Variants in ZNF821 observed in about 807,000 individuals in gnomAD.
ZNF821 encodes the protein zinc finger protein 821.
In ZNF821, 16 loss-of-function variants were observed where a neutral mutation model predicts 44.3. The ratio of observed to expected loss-of-function variants is 0.36; its 90% confidence interval spans 0.24 to 0.55. The LOEUF (loss-of-function observed/expected upper bound fraction) is 0.55. ZNF821 is among the 20% of genes least tolerant of loss of function. The probability of loss-of-function intolerance (pLI) is 0.86; values close to 1 mark genes in which losing one functional copy is unlikely to be tolerated. For missense variants in ZNF821, 436 were observed against 547.6 expected, an observed-to-expected ratio of 0.80 and a Z score of 2.03; for synonymous variants, 204 against 197.6, an observed-to-expected ratio of 1.03 and a Z score of -0.27.
rs144755812 is a variant in ZNF821 at position 71,894,450 on chromosome 16, T to C, written n.448+439A>G. 4.7e-3 allele frequency: 796 copies of C among 170,962 alleles called. 4 individuals carry two copies. The highest frequency in any genetic ancestry group is 0.018 in the African/African-American group (760 of 41,850). 10.6% of individuals were successfully genotyped at this position (170,962 alleles called of 1,614,324 possible). A position where few individuals can be genotyped will look rare whatever the true frequency, so the allele number is the denominator to read the frequency against. Reference sequence around the variant, plus strand: ...TAGTAGAGACGGGGTTCCTCTGTGTTGGCCAGGCTGGTCTCGAATTACCGA... The same window carrying C: ...TAGTAGAGACGGGGTTCCTCTGTGTCGGCCAGGCTGGTCTCGAATTACCGA... On this transcript the variant is annotated intron_variant and non_coding_transcript_variant, in intron 1 of 2. Coordinates refer to the ZNF821 transcript ENST00000561700.
chr16:71,884,264 C>T (rs1216889703), upstream of ZNF821: 1 of 151,952 alleles, frequency 6.6e-6, no homozygotes, highest in Admixed American at 6.6e-5. Flanking sequence ...CGGCCCGGCG[C>T]GCGCCTGGCG....
chr16:71,878,523 G>C (rs1355067683), intron 3 of ZNF821, among the ~76,000 whole-genome samples: 1 of 151,780 alleles, frequency 6.6e-6, no homozygotes, highest in Non-Finnish European at 1.5e-5. Context: ...GTCAATTTAA[G>C]AAGGCACTTT....
At chr16:71,894,558 T>C (rs750450539) in intron 1 of ZNF821, 85 of 307,776 alleles carry the variant, frequency 2.8e-4, no homozygotes, top group Non-Finnish European at 1.6e-4. Context: ...TTTTCTTTTT[T>C]TCTGTAGCCT....
At chr16:71,865,651 C>T (rs908816219) in intron 4 of ZNF821, among the ~76,000 whole-genome samples, 1 of 152,204 alleles carries the variant, frequency 6.6e-6, no homozygotes, top group Non-Finnish European at 1.5e-5. Flanking sequence ...ATTAGCACAG[C>T]AACCAACCTC....
chr16:71,880,716 A>G (rs746091435), intron 2 of ZNF821, among the ~76,000 whole-genome samples: 2 of 152,188 alleles, frequency 1.3e-5, no homozygotes, highest in Non-Finnish European at 2.9e-5. Context: ...TACTAATTCA[A>G]CACCCCAGTG....
intron 3 of ZNF821, among the ~76,000 whole-genome samples, chr16:71,877,048 C>T (rs537191922): frequency 1.3e-5 from 2 of 152,302 alleles, no homozygotes; most frequent in South Asian, 2.1e-4. Flanking sequence ...CCAGAATATA[C>T]TCCTAGAAGC....
rs924235563 is a variant in ZNF821 at position 71,859,929 on chromosome 16, C to T, written c.*89G>A. The stretch of plus-strand genomic sequence containing the variant: ...GCCTCTGGCAGCAAGGACAGGGCCT[C>T]GTGGGTGGCAGCAGCACTGGTCCTC... On this transcript the variant is annotated 3_prime_UTR_variant, in exon 8 of 8. Coordinates refer to ENST00000425432, the MANE Select transcript of ZNF821 (RefSeq NM_001201552.2). The T allele has an allele frequency of 6.6e-6, 9 of 1,366,846 alleles. No homozygotes were observed. The highest frequency in any genetic ancestry group is 3.2e-5 in the African/African-American group (2 of 62,438). The allele number at this position is 1,366,846 out of a possible 1,614,324, so 84.7% of individuals were successfully genotyped here. A position where few individuals can be genotyped will look rare whatever the true frequency, so the allele number is the denominator to read the frequency against.
chr16:71,885,534 C>T (rs1427832298), upstream of ZNF821, among the ~76,000 whole-genome samples: 1 of 152,212 alleles, frequency 6.6e-6, no homozygotes, highest in African/African-American at 2.4e-5. Flanking sequence ...TTACTGGCTG[C>T]ACAAAGGCAG....
intron 1 of ZNF821, among the ~76,000 whole-genome samples, chr16:71,893,272 C>A (rs546220712): frequency 5.3e-5 from 8 of 151,900 alleles, no homozygotes; most frequent in Non-Finnish European, 1.0e-4. Context: ...CGTGATCCTC[C>A]CGCCTCGGCC....
intron 2 of ZNF821, among the ~76,000 whole-genome samples, chr16:71,882,825 T>C (rs895562740): frequency 2.0e-5 from 3 of 152,190 alleles, no homozygotes; most frequent in East Asian, 1.9e-4. Flanking sequence ...ACTTGTTTTA[T>C]AGGCAGTTAA....
At chr16:71,892,178 C>CAG (rs2036889918) in intron 1 of ZNF821, among the ~76,000 whole-genome samples, 1 of 31,938 alleles carries the variant, frequency 3.1e-5, no homozygotes, top group Admixed American at 6.8e-4. Flanking sequence ...AACTCCGTCT[C>CAG]AAAAAAAAAA....
upstream of ZNF821, among the ~76,000 whole-genome samples, chr16:71,887,328 C>T (rs2036864894): frequency 7.0e-6 from 1 of 143,484 alleles, no homozygotes; most frequent in African/African-American, 2.6e-5. Flanking sequence ...GGCGCGATCT[C>T]GGCTCATTGC....
chr16:71,867,648 T>C (rs1353215846), intron 4 of ZNF821, among the ~76,000 whole-genome samples: 2 of 151,136 alleles, frequency 1.3e-5, no homozygotes, highest in African/African-American at 2.4e-5. Flanking sequence ...ATCATGCCAA[T>C]GCACTCCAGC....
chr16:71,887,059 A>G (rs933770948), upstream of ZNF821, among the ~76,000 whole-genome samples: 3 of 152,224 alleles, frequency 2.0e-5, no homozygotes, highest in Non-Finnish European at 4.4e-5. Flanking sequence ...TTGTATGGAT[A>G]TGCCACATTT....
At chr16:71,883,023 A>T in intron 2 of ZNF821, 188 bp downstream of exon 2, 1 of 434,504 alleles carries the variant, frequency 2.3e-6, no homozygotes, top group Non-Finnish European at 4.6e-6. Flanking sequence ...TTCCATTTTA[A>T]AAGGAAAGCA....
intron 3 of ZNF821, among the ~76,000 whole-genome samples, chr16:71,876,858 G>A (rs1397925657): frequency 6.6e-6 from 1 of 152,084 alleles, no homozygotes; most frequent in African/African-American, 2.4e-5. Flanking sequence ...TCCTGCACTG[G>A]CCTCCCAAAG....
At chr16:71,866,713 CA>C (rs755703807) in intron 4 of ZNF821, among the ~76,000 whole-genome samples, 1 of 152,154 alleles carries the variant, frequency 6.6e-6, no homozygotes, top group African/African-American at 2.4e-5. Context: ...ACCTGCTACT[CA>C]AGAAAGTGGT....
At chr16:71,892,361 G>T (rs1267553793) in intron 1 of ZNF821, among the ~76,000 whole-genome samples, 1 of 150,136 alleles carries the variant, frequency 6.7e-6, no homozygotes, top group Non-Finnish European at 1.5e-5. Context: ...CCGCCTCCCG[G>T]GTTCACACCA....
chr16:71,880,678 A>G (rs934189968), intron 2 of ZNF821, among the ~76,000 whole-genome samples: 49 of 152,374 alleles, frequency 3.2e-4, no homozygotes, highest in Admixed American at 2.7e-3. Context: ...TCTCACCAGA[A>G]GAGACAGATG....
Sources: allele counts gnomAD v4.1 joint callset (sites outside exome capture counted in the v4.1 genomes callset), GRCh38; gene constraint gnomAD v4.1.1; transcripts MANE v1.5; gene names NCBI Gene and HGNC (gene_info 2026-07-23, HGNC 2026-07-21).